AGBL4: variants seen among roughly 807,000 people sequenced by gnomAD.
AGBL4 encodes the protein AGBL carboxypeptidase 4.
AGBL4 carries 58 observed loss-of-function variants against 66.4 expected under a neutral mutation model. That is an observed-to-expected ratio of 0.87 (90% CI 0.71 to 1.09). AGBL4 has a LOEUF of 1.09. Among genes scored for constraint, AGBL4 ranks in the 50% least tolerant of loss-of-function variants. AGBL4 has a pLI of 0.00. For synonymous variants in AGBL4, 234 were observed against 222.9 expected (o/e 1.05, Z -0.44); for missense variants, 579 against 631.0 (o/e 0.92, Z 0.88).
intron 6 of AGBL4, among the ~76,000 whole-genome samples, chr1:48,665,235 C>T (rs779994316): frequency 2.0e-5 from 3 of 152,160 alleles, no homozygotes; most frequent in South Asian, 2.1e-4. Flanking sequence ...AAGGGAGAGA[C>T]AGAAGGCTCA....
intron 5 of AGBL4, among the ~76,000 whole-genome samples, chr1:48,885,730 A>C (rs1650260585): frequency 6.6e-6 from 1 of 152,172 alleles, no homozygotes; most frequent in African/African-American, 2.4e-5. Context: ...AGTGCAGACC[A>C]TCATGGGTGC....
intron 6 of AGBL4, among the ~76,000 whole-genome samples, chr1:48,746,124 G>GA (rs372309360): frequency 3.3e-5 from 5 of 152,196 alleles, no homozygotes; most frequent in African/African-American, 1.2e-4. Context: ...CTGAAAGGAG[G>GA]AAAGATAACA....
At chr1:49,541,459 G>A (rs1652016552) in intron 3 of AGBL4, among the ~76,000 whole-genome samples, 1 of 152,218 alleles carries the variant, frequency 6.6e-6, no homozygotes, top group Admixed American at 6.5e-5. Context: ...CCCGGGCAGT[G>A]AGGGGCTTAG....
chr1:49,554,721 C>A (rs1653267503), intron 3 of AGBL4, among the ~76,000 whole-genome samples: 1 of 152,174 alleles, frequency 6.6e-6, no homozygotes, highest in African/African-American at 2.4e-5. Flanking sequence ...GTGAGTGTTA[C>A]AGTTCTTAAA....
At chr1:49,112,437 G>A (rs1033229847) in intron 4 of AGBL4, among the ~76,000 whole-genome samples, 2 of 152,184 alleles carry the variant, frequency 1.3e-5, no homozygotes, top group African/African-American at 4.8e-5. Context: ...TGGAGTAGCT[G>A]TGGCAATTCT....
At chr1:48,776,554 G>C (rs1226357993) in intron 6 of AGBL4, 1 of 1,302,140 alleles carries the variant, frequency 7.7e-7, no homozygotes, top group East Asian at 3.1e-5. Context: ...GCCCCTCCCG[G>C]GGTCCCAGCC....
At chr1:49,970,997 C>A (rs1442752055) in intron 1 of AGBL4, among the ~76,000 whole-genome samples, 1 of 152,064 alleles carries the variant, frequency 6.6e-6, no homozygotes, top group Non-Finnish European at 1.5e-5. Context: ...ACAAAGTAGG[C>A]AAAGTTGAAT....
At chr1:49,247,857 C>G (rs187227926) in intron 3 of AGBL4, among the ~76,000 whole-genome samples, 7 of 152,166 alleles carry the variant, frequency 4.6e-5, no homozygotes, top group African/African-American at 1.7e-4. Context: ...TTTATTTTAG[C>G]CCGATTTTAG....
Position 49,603,927 on chromosome 1 carries a change from TATACACACACACACAC to T in AGBL4, c.282+93370_282+93385del, listed in dbSNP as rs1558093576. On this transcript the variant is annotated intron_variant, in intron 3 of 13. Transcript: ENST00000371839. ...TCTACAGGTGATTAGTATTCCATGG[TATACACACACACACAC>T]ACACACACACACACACACACACACA... 3.5e-4 allele frequency among the ~76,000 whole-genome samples: 38 copies of T among 107,724 alleles called. 1 individual carries two copies. In the South Asian group the frequency reaches 0.011, roughly 32 times the overall value. 70.7% of individuals were successfully genotyped at this position (107,724 alleles called of 152,430 possible). A position where few individuals can be genotyped will look rare whatever the true frequency, so the allele number is the denominator to read the frequency against.
chr1:49,043,402 G>C (rs1270162667), intron 5 of AGBL4, among the ~76,000 whole-genome samples: 2 of 152,036 alleles, frequency 1.3e-5, no homozygotes, highest in Non-Finnish European at 2.9e-5. Flanking sequence ...TAGGCTAACT[G>C]TGTACCTTAA....
At chr1:49,566,259 C>T (rs1277062618) in intron 3 of AGBL4, among the ~76,000 whole-genome samples, 2 of 152,156 alleles carry the variant, frequency 1.3e-5, no homozygotes, top group African/African-American at 4.8e-5. Flanking sequence ...CCTCCTTTAG[C>T]TCAGAGTAGT....
intron 2 of AGBL4, among the ~76,000 whole-genome samples, chr1:49,820,468 C>T (rs948346797): frequency 1.3e-5 from 2 of 152,086 alleles, no homozygotes; most frequent in Non-Finnish European, 2.9e-5. Context: ...AAATGTTACC[C>T]TTTCTCCATC....
At chr1:49,085,065 A>G (rs917583348) in intron 4 of AGBL4, among the ~76,000 whole-genome samples, 3 of 152,110 alleles carry the variant, frequency 2.0e-5, no homozygotes, top group African/African-American at 7.2e-5. Context: ...TTCATAAGAG[A>G]TTAGCATTTG....
At chr1:49,744,521 T>C (rs973476820) in intron 2 of AGBL4, among the ~76,000 whole-genome samples, 28 of 151,484 alleles carry the variant, frequency 1.8e-4, no homozygotes, top group Non-Finnish European at 3.7e-4. Flanking sequence ...CACTAGCAAA[T>C]CAAACCTACA....
chr1:48,558,478 T>C (rs930029777), intron 11 of AGBL4, among the ~76,000 whole-genome samples: 1 of 152,150 alleles, frequency 6.6e-6, no homozygotes, highest in Admixed American at 6.5e-5. Context: ...GGGGATGGAG[T>C]CAGCCCAATG....
chr1:49,853,799 A>G (rs957400652), intron 1 of AGBL4, among the ~76,000 whole-genome samples: 3 of 152,144 alleles, frequency 2.0e-5, no homozygotes, highest in Admixed American at 6.5e-5. Context: ...AATTACTGGG[A>G]AAAAGTCAAC....
chr1:48,988,345 G>T (rs1319845213), intron 5 of AGBL4, among the ~76,000 whole-genome samples: 2 of 152,142 alleles, frequency 1.3e-5, no homozygotes, highest in African/African-American at 4.8e-5. Context: ...AGTGGGGATT[G>T]TGTTTGACTT....
intron 6 of AGBL4, among the ~76,000 whole-genome samples, chr1:48,683,608 G>A (rs1273352945): frequency 5.9e-5 from 9 of 152,226 alleles, no homozygotes; most frequent in Non-Finnish European, 1.3e-4. Context: ...GTATTCATGG[G>A]AGGTTGTGTG....
intron 3 of AGBL4, among the ~76,000 whole-genome samples, chr1:49,449,613 A>G (rs1165839657): frequency 1.3e-5 from 2 of 151,946 alleles, no homozygotes; most frequent in Admixed American, 6.6e-5. Flanking sequence ...GGATCCCCAG[A>G]TAACTTTTCT....
Sources: allele counts gnomAD v4.1 joint callset (sites outside exome capture counted in the v4.1 genomes callset), GRCh38; gene constraint gnomAD v4.1.1; transcripts MANE v1.5; gene names NCBI Gene and HGNC (gene_info 2026-07-23, HGNC 2026-07-21).